GRM5: variants seen among roughly 807,000 people sequenced by gnomAD.
GRM5 encodes metabotropic glutamate receptor 5.
In GRM5, 19 loss-of-function variants were observed where a neutral mutation model predicts 83.1. That is an observed-to-expected ratio of 0.23 (90% CI 0.16 to 0.34). The LOEUF (loss-of-function observed/expected upper bound fraction) is 0.34. Ranked by LOEUF, GRM5 falls within the 10% of genes least tolerant of loss-of-function variation. The pLI is 1.00. For synonymous variants in GRM5, 675 were observed against 633.6 expected, an observed-to-expected ratio of 1.07 and a Z score of -0.98; for missense variants, 1,160 against 1,588.3, an observed-to-expected ratio of 0.73 and a Z score of 4.58.
chr11:88,532,480 G>T (rs922297792), intron 8 of GRM5, among the ~76,000 whole-genome samples: 30 of 152,214 alleles, frequency 2.0e-4, no homozygotes, highest in African/African-American at 6.7e-4. Flanking sequence ...TACCAAAATT[G>T]CAGTAAAGAT....
chr11:88,977,065 A>G (rs573181372), intron 2 of GRM5, among the ~76,000 whole-genome samples: 58 of 151,692 alleles, frequency 3.8e-4, no homozygotes, highest in Non-Finnish European at 6.0e-4. Flanking sequence ...GCAAGATTTT[A>G]TTCTCAAATA....
intron 2 of GRM5, among the ~76,000 whole-genome samples, chr11:88,966,671 A>T (rs1256243095): frequency 6.6e-6 from 1 of 152,148 alleles, no homozygotes; most frequent in African/African-American, 2.4e-5. Context: ...GAAGAACCAT[A>T]GATAGACCTA....
intron 3 of GRM5, among the ~76,000 whole-genome samples, chr11:88,688,777 G>T (rs1396250473): frequency 6.6e-6 from 1 of 151,876 alleles, no homozygotes; most frequent in African/African-American, 2.4e-5. Context: ...ATTCATAGTT[G>T]CATAGTAGGG....
In GRM5 at chr11:88,505,362, C is replaced by T. The variant is rs1013886355; in HGVS notation, c.*3230G>A. The stretch of plus-strand genomic sequence containing the variant: ...TTATTCTTAAAAAGAGCATTTAATT[C>T]CTGGCTTGGAAGTCACAGAACTGCA... On this transcript the variant is annotated 3_prime_UTR_variant, in exon 10 of 10. Coordinates refer to ENST00000305447, the MANE Select transcript of GRM5 (RefSeq NM_001143831.3). 40 of 152,190 alleles carry T rather than the reference C, an allele frequency of 2.6e-4. No homozygotes were observed. Among genetic ancestry groups the T allele is most frequent in the African/African-American group, 9.7e-4 (40 of 41,442 alleles). 9.4% of individuals were successfully genotyped at this position (152,190 alleles called of 1,614,324 possible).
At chr11:89,034,058 C>T (rs1475329377) in intron 2 of GRM5, among the ~76,000 whole-genome samples, 1 of 135,216 alleles carries the variant, frequency 7.4e-6, no homozygotes, top group Non-Finnish European at 1.6e-5. Flanking sequence ...ATTATGAGGT[C>T]GAATAGTCCT....
intron 3 of GRM5, among the ~76,000 whole-genome samples, chr11:88,788,774 G>T (rs938169688): frequency 6.6e-6 from 1 of 152,118 alleles, no homozygotes; most frequent in Non-Finnish European, 1.5e-5. Context: ...AACTAGAAAG[G>T]GGGCTATTAA....
At chr11:88,960,946 T>C (rs1365625194) in intron 2 of GRM5, among the ~76,000 whole-genome samples, 1 of 152,164 alleles carries the variant, frequency 6.6e-6, no homozygotes, top group East Asian at 1.9e-4. Flanking sequence ...TCCCATGATA[T>C]TGATAAGAAA....
At chr11:88,572,797 T>C (rs889283663) in intron 7 of GRM5, among the ~76,000 whole-genome samples, 2 of 152,174 alleles carry the variant, frequency 1.3e-5, no homozygotes, top group African/African-American at 2.4e-5. Context: ...TCATCCTTAC[T>C]GTAATGGTAA....
At chr11:88,811,865 C>G (rs1565242320) in intron 3 of GRM5, among the ~76,000 whole-genome samples, 1 of 152,062 alleles carries the variant, frequency 6.6e-6, no homozygotes, top group Non-Finnish European at 1.5e-5. Context: ...ACCCAGAGCT[C>G]AGTGGTACAA....
At chr11:88,861,477 T>A (rs1306695835) in intron 2 of GRM5, among the ~76,000 whole-genome samples, 1 of 141,886 alleles carries the variant, frequency 7.0e-6, no homozygotes, top group Admixed American at 7.2e-5. Flanking sequence ...TGTTGTTGCT[T>A]TTTCTGAGAC....
chr11:88,541,862 G>T lies in GRM5; in HGVS notation c.2631-16458C>A, dbSNP rs1942276586. The stretch of plus-strand genomic sequence containing the variant: ...CAAGGGAGGGATCTGTAATCCCCAT[G>T]TGTGGAGGAAGGGAGGTGATTGGAT... On this transcript the variant is annotated intron_variant, in intron 8 of 9. Coordinates refer to ENST00000305447, the MANE Select transcript of GRM5 (RefSeq NM_001143831.3). Among the ~76,000 whole-genome samples, 3 of 152,212 alleles carry T rather than the reference G, an allele frequency of 2.0e-5. No homozygotes were observed. In the South Asian group the frequency reaches 6.2e-4, roughly 32 times the overall value.
Position 88,768,937 on chromosome 11 carries a change from G to C in GRM5, c.911+80969C>G, listed in dbSNP as rs533696372. Among the ~76,000 whole-genome samples, 7 of 152,142 alleles carry C rather than the reference G, an allele frequency of 4.6e-5. No homozygotes were observed. The South Asian group carries it at 1.5e-3, about 32-fold the overall frequency. Reference sequence around the variant, plus strand: ...CAGAAATGTAACAGAATAAAATTTTGTTGTTTTATGCTTCCCTTCAAACCT... The same window carrying C: ...CAGAAATGTAACAGAATAAAATTTTCTTGTTTTATGCTTCCCTTCAAACCT... On this transcript the variant is annotated intron_variant, in intron 3 of 9. Transcript: ENST00000305447.
At chr11:88,999,976 A>G (rs1940315830) in intron 2 of GRM5, among the ~76,000 whole-genome samples, 3 of 152,220 alleles carry the variant, frequency 2.0e-5, no homozygotes, top group Admixed American at 2.0e-4. Context: ...TTCTCAGCAA[A>G]CTATCGCAAG....
intron 1 of GRM5, among the ~76,000 whole-genome samples, chr11:89,061,605 G>A (rs1426189634): frequency 6.6e-6 from 1 of 152,146 alleles, no homozygotes; most frequent in African/African-American, 2.4e-5. Context: ...CCAAAGTCTG[G>A]ATAGTTTTTG....
intron 3 of GRM5, among the ~76,000 whole-genome samples, chr11:88,753,038 G>C (rs774703267): frequency 3.3e-5 from 5 of 152,068 alleles, no homozygotes. Flanking sequence ...ATTCAGGACA[G>C]AGGCATGAGC....
At chr11:89,065,567 G>C (rs568758542) in intron 1 of GRM5, among the ~76,000 whole-genome samples, 1 of 152,136 alleles carries the variant, frequency 6.6e-6, no homozygotes, top group South Asian at 2.1e-4. Flanking sequence ...GTCCTTGCAG[G>C]GTGACTTTTC....
At chr11:89,046,852 G>A (rs1244645100) in intron 2 of GRM5, among the ~76,000 whole-genome samples, 6 of 152,058 alleles carry the variant, frequency 3.9e-5, no homozygotes, top group East Asian at 1.9e-4. Flanking sequence ...GAACAATCGC[G>A]AAATGACAAA....
At chr11:88,982,305 T>TA (rs1452445883) in intron 2 of GRM5, among the ~76,000 whole-genome samples, 1 of 152,180 alleles carries the variant, frequency 6.6e-6, no homozygotes, top group Non-Finnish European at 1.5e-5. Context: ...TCATAGCCCT[T>TA]ACATTTATAA....
intron 2 of GRM5, among the ~76,000 whole-genome samples, chr11:88,923,285 T>C (rs1945725132): frequency 6.6e-6 from 1 of 152,084 alleles, no homozygotes; most frequent in South Asian, 2.1e-4. Flanking sequence ...ATAACCAAGA[T>C]TTGTAAGCAA....
Sources: gnomAD v4.1 joint callset for allele counts (sites outside exome capture counted in the v4.1 genomes callset) on GRCh38, gnomAD v4.1.1 for gene constraint, MANE v1.5 for transcripts, NCBI Gene and HGNC (gene_info 2026-07-23, HGNC 2026-07-21) for gene names.